The following HAS2 variants were observed in gnomAD, a reference collection of about 807,000 sequenced individuals.
The protein encoded by HAS2 is HA synthase 2.
HAS2 carries 16 observed loss-of-function variants against 51.6 expected under a neutral mutation model. That is an observed-to-expected ratio of 0.31 (90% CI 0.21 to 0.47). HAS2 has a LOEUF of 0.47. Among genes scored for constraint, HAS2 ranks in the 20% least tolerant of loss-of-function variants. The probability of loss-of-function intolerance (pLI) is 1.00; values close to 1 mark genes in which losing one functional copy is unlikely to be tolerated. For missense variants in HAS2, 361 were observed against 662.6 expected (o/e 0.54, Z 5.00); for synonymous variants, 228 against 235.5 (o/e 0.97, Z 0.29).
chr8:121,638,172 T>C (rs2130455304), intron 1 of HAS2, among the ~76,000 whole-genome samples: 1 of 152,240 alleles, frequency 6.6e-6, no homozygotes, highest in East Asian at 1.9e-4. Context: ...AAGGAAACCA[T>C]GTATGGGAAA....
chr8:121,616,666 C>T (rs1389612564), intron 3 of HAS2, among the ~76,000 whole-genome samples: 1 of 152,054 alleles, frequency 6.6e-6, no homozygotes, highest in Non-Finnish European at 1.5e-5. Context: ...GAACTCCTGA[C>T]CTCAGGTGAT....
In HAS2 at chr8:121,614,703, G is replaced by C; in HGVS notation, c.1065C>G (p.Ser355Arg). ...LRWLNQQTRWSKSYFREWLYN... is the reference protein window; with the variant it reads ...LRWLNQQTRWRKSYFREWLYN... Reference sequence around the variant, plus strand: ...ACAGCCATTCTCGGAAGTAGGACTTGCTCCAACGGGTCTGCTGGTTTAGCC... The same window carrying C: ...ACAGCCATTCTCGGAAGTAGGACTTCCTCCAACGGGTCTGCTGGTTTAGCC... The change falls in exon 4 of 4, where the codon AGC becomes AGG. Residue 355 changes from serine (S) to arginine (R), a missense_variant. Physicochemically the swap from Ser to Arg is moderately radical, Grantham distance 110. This residue lies in a region of HAS2 where 106 missense variants were observed against 241.0 expected (regional missense o/e 0.44). Coordinates refer to ENST00000303924, the MANE Select transcript of HAS2 (RefSeq NM_005328.3). The surrounding 1 kb of genome is among the most constrained non-coding windows in gnomAD (Gnocchi z 7.2). 1 of 1,614,110 alleles carries C rather than the reference G, an allele frequency of 6.2e-7. No individual in the cohort carries two copies. The highest frequency in any genetic ancestry group is 8.5e-7 in the Non-Finnish European group (1 of 1,179,940).
In HAS2 at chr8:121,617,223, G is replaced by GA. The variant is rs1419861003; in HGVS notation, c.628-18dup. On this transcript the variant is annotated splice_polypyrimidine_tract_variant and intron_variant, in intron 2 of 3. Coordinates refer to ENST00000303924, the MANE Select transcript of HAS2 (RefSeq NM_005328.3). Reference sequence around the variant, plus strand: ...ATCACAAACCTGCAAAGAAGCAAATGAAAAATGAGTTAAAGAAAAGGAAGA... The same window carrying GA: ...ATCACAAACCTGCAAAGAAGCAAATGAAAAAATGAGTTAAAGAAAAGGAAGA... 6.9e-7 allele frequency: 1 copy of GA among 1,456,946 alleles called. No homozygotes were observed. Among genetic ancestry groups the GA allele is most frequent in the Non-Finnish European group, 9.6e-7 (1 of 1,045,434 alleles). The allele number at this position is 1,456,946 out of a possible 1,614,324, so 90.3% of individuals were successfully genotyped here.
At chr8:121,630,935 C>T (rs1812921841) in intron 1 of HAS2, among the ~76,000 whole-genome samples, 1 of 152,140 alleles carries the variant, frequency 6.6e-6, no homozygotes, top group African/African-American at 2.4e-5. Flanking sequence ...TTTTGGGAAA[C>T]CTTAGTGTGG....
intron 1 of HAS2, among the ~76,000 whole-genome samples, chr8:121,637,296 G>T (rs1813023111): frequency 6.6e-6 from 1 of 150,828 alleles, no homozygotes; most frequent in East Asian, 2.0e-4. Flanking sequence ...GTGTGGCCTT[G>T]TTATATTTAA....
intron 1 of HAS2, among the ~76,000 whole-genome samples, chr8:121,638,016 A>C (rs1813036822): frequency 6.6e-6 from 1 of 152,208 alleles, no homozygotes; most frequent in Non-Finnish European, 1.5e-5. Context: ...GTAAATGTGT[A>C]ATATAGCTTT....
chr8:121,612,338 T>C lies in HAS2; in HGVS notation c.*1771A>G, dbSNP rs1052720883. Reference sequence around the variant, plus strand: ...CATTTATTGGCATGGTGTGTTTTGTTTTCCACAAGCTCTCCAATCAGTGAG... The same window carrying C: ...CATTTATTGGCATGGTGTGTTTTGTCTTCCACAAGCTCTCCAATCAGTGAG... On this transcript the variant is annotated 3_prime_UTR_variant, in exon 4 of 4. Coordinates refer to ENST00000303924, the MANE Select transcript of HAS2 (RefSeq NM_005328.3). 6.6e-6 allele frequency: 1 copy of C among 152,182 alleles called. No homozygotes were observed. The highest frequency in any genetic ancestry group is 2.4e-5 in the African/African-American group (1 of 41,444). 9.4% of individuals were successfully genotyped at this position (152,182 alleles called of 1,614,324 possible).
chr8:121,640,320 G>C (rs1469376876), intron 1 of HAS2, among the ~76,000 whole-genome samples: 1 of 152,174 alleles, frequency 6.6e-6, no homozygotes, highest in Admixed American at 6.5e-5. Flanking sequence ...GCTTGTCGGA[G>C]CTGGAAGCCC....
At position 121,628,916 on chromosome 8, in the gene HAS2, T is replaced by C; in HGVS notation, c.425A>G (p.Lys142Arg). 6.2e-7 allele frequency: 1 copy of C among 1,614,036 alleles called. No homozygotes were observed. Among genetic ancestry groups the C allele is most frequent in the Non-Finnish European group, 8.5e-7 (1 of 1,179,890 alleles). ...GTTCTTCCAGATATAAGTGGCTGAT[T>C]TGTCTCTGCCCATGACTTCACTGAA... ...DIFSEVMGRD[K>R]SATYIWKNNF... Residue 142 changes from lysine (K) to arginine (R), a missense_variant, in exon 2 of 4, where the codon AAA becomes AGA. By Grantham distance (26) the Lys-to-Arg change is conservative. Coordinates refer to ENST00000303924, the MANE Select transcript of HAS2 (RefSeq NM_005328.3).
chr8:121,621,787 C>A (rs1308301763), intron 2 of HAS2, among the ~76,000 whole-genome samples: 1 of 152,112 alleles, frequency 6.6e-6, no homozygotes, highest in East Asian at 1.9e-4. Context: ...CTACCAGATG[C>A]CTTGATCCAA....
intron 2 of HAS2, among the ~76,000 whole-genome samples, chr8:121,627,714 A>C (rs1812873161): frequency 6.6e-6 from 1 of 152,128 alleles, no homozygotes; most frequent in African/African-American, 2.4e-5. Flanking sequence ...GCCAATGTCC[A>C]TTCCTATCTC....
At chr8:121,626,895 C>T (rs1812861514) in intron 2 of HAS2, among the ~76,000 whole-genome samples, 1 of 152,184 alleles carries the variant, frequency 6.6e-6, no homozygotes, top group African/African-American at 2.4e-5. Context: ...TATCTGGAGA[C>T]TTCCCCTATC....
At chr8:121,633,896 T>C (rs1452195735) in intron 1 of HAS2, among the ~76,000 whole-genome samples, 1 of 96,728 alleles carries the variant, frequency 1.0e-5, no homozygotes. Flanking sequence ...GTTACCCTAG[T>C]TTTTTGTTTT....
chr8:121,633,022 C>G (rs561052230), intron 1 of HAS2, among the ~76,000 whole-genome samples: 94 of 152,074 alleles, frequency 6.2e-4, no homozygotes, highest in African/African-American at 2.2e-3. Context: ...AATAAATTTG[C>G]TGAATATATT....
chr8:121,638,819 T>C (rs1487056485), intron 1 of HAS2, among the ~76,000 whole-genome samples: 1 of 152,152 alleles, frequency 6.6e-6, no homozygotes, highest in Non-Finnish European at 1.5e-5. Context: ...ATGAGTCAAC[T>C]TGCACACATT....
At chr8:121,639,054 C>T (rs1254685088) in intron 1 of HAS2, among the ~76,000 whole-genome samples, 1 of 152,148 alleles carries the variant, frequency 6.6e-6, no homozygotes, top group Non-Finnish European at 1.5e-5. Flanking sequence ...TATCATATGC[C>T]TTAACCGCAG....
In HAS2 at chr8:121,615,041, G is replaced by A. The variant is rs1253730019; in HGVS notation, c.730-3C>T. ...CAGGAATCGTACTTGTTTAAAATCT[G>A]CAAGAAGAAAAACATAAGTAATAGG... is the stretch of plus-strand genomic sequence containing the variant. On this transcript the variant is annotated splice_region_variant and splice_polypyrimidine_tract_variant and intron_variant, in intron 3 of 3. Coordinates refer to ENST00000303924, the MANE Select transcript of HAS2 (RefSeq NM_005328.3). The A allele has an allele frequency of 6.3e-7, 1 of 1,587,428 alleles. No homozygotes were observed. The highest frequency in any genetic ancestry group is 1.8e-5 in the Admixed American group (1 of 55,222).
intron 1 of HAS2, among the ~76,000 whole-genome samples, chr8:121,634,837 G>A (rs968351589): frequency 2.6e-5 from 4 of 151,650 alleles, no homozygotes; most frequent in Admixed American, 2.0e-4. Context: ...AACAGGTCTA[G>A]AAGGCCTTTG....
intron 2 of HAS2, among the ~76,000 whole-genome samples, chr8:121,626,565 C>A (rs1240971005): frequency 6.6e-6 from 1 of 152,220 alleles, no homozygotes; most frequent in Admixed American, 6.5e-5. Context: ...AGTTCCATCA[C>A]TTGTAATGCT....
Sources: allele counts gnomAD v4.1 joint callset (sites outside exome capture counted in the v4.1 genomes callset), GRCh38; gene constraint gnomAD v4.1.1; regional missense constraint gnomAD v4.1.1; non-coding constraint Gnocchi (gnomAD v3.1); transcripts MANE v1.5; gene names NCBI Gene and HGNC (gene_info 2026-07-23, HGNC 2026-07-21).